The following FAM53A variants were observed in gnomAD, a reference collection of about 807,000 sequenced individuals.
The protein encoded by FAM53A is family with sequence similarity 53 member A, also known as protein FAM53A.
A neutral mutation model predicts 26.6 loss-of-function variants in FAM53A; 28 were observed. The ratio of observed to expected loss-of-function variants is 1.05; its 90% CI spans 0.78 to 1.45. The LOEUF (loss-of-function observed/expected upper bound fraction) is 1.45. Among genes scored for constraint, FAM53A ranks in the 40% most tolerant of loss-of-function variants. The pLI is 0.00. For synonymous variants in FAM53A, 290 were observed against 253.1 expected (o/e 1.15, Z -1.38); for missense variants, 650 against 575.8 (o/e 1.13, Z -1.32).
chr4:1,634,728 T>A (rs1379290120), intron 1 of FAM53A, among the ~76,000 whole-genome samples: 1 of 151,230 alleles, frequency 6.6e-6, no homozygotes, highest in African/African-American at 2.4e-5. Context: ...TGAAACCCCG[T>A]CTCTACTAAA....
the FAM53A span, among the ~76,000 whole-genome samples, chr4:1,593,040 G>A: frequency 1.3e-5 from 2 of 152,202 alleles, no homozygotes; most frequent in Non-Finnish European, 2.9e-5. Context: ...AGTGCCCAGG[G>A]CCGAGGGCCC....
At chr4:1,660,067 G>C (rs1713714149) in intron 2 of FAM53A, among the ~76,000 whole-genome samples, 1 of 152,094 alleles carries the variant, frequency 6.6e-6, no homozygotes, top group Non-Finnish European at 1.5e-5. Context: ...AGGATCGCTT[G>C]AGCTCAGGAG....
rs766673560 is a variant in FAM53A, at chr4:1,655,070, C to T, written c.790G>A (p.Val264Met). ...GLLRCRSQPC[V>M]LSGKRSRRKR... ...CGCCGGCTCCTCTTCCCACTGAGCA[C>T]GCAAGGCTGTGAGCGGCACCGGAGC... is the stretch of plus-strand genomic sequence containing the variant. The change falls in exon 4 of 5, where the codon GTG becomes ATG. Residue 264 changes from valine to methionine, a missense_variant. By Grantham distance (21) the Val-to-Met change is conservative. Transcript: ENST00000308132. 3 of 1,601,532 alleles carry T rather than the reference C, an allele frequency of 1.9e-6. No homozygotes were observed. Among genetic ancestry groups the T allele is most frequent in the Admixed American group, 1.7e-5 (1 of 58,890 alleles).
At chr4:1,589,890 A>G in the FAM53A span, among the ~76,000 whole-genome samples, 1 of 152,018 alleles carries the variant, frequency 6.6e-6, no homozygotes, top group African/African-American at 2.4e-5. Context: ...AATGTTTTCT[A>G]TTTCACTGAT....
chr4:1,592,115 G>A, the FAM53A span, among the ~76,000 whole-genome samples: 418 of 152,266 alleles, frequency 2.7e-3, 5 homozygotes, highest in East Asian at 0.026. Flanking sequence ...GGTTTGTCGG[G>A]CCGCTGTGCC....
chr4:1,662,181 A>T (rs935239095), intron 2 of FAM53A, among the ~76,000 whole-genome samples: 16 of 152,006 alleles, frequency 1.1e-4, no homozygotes, highest in Non-Finnish European at 1.8e-4. Context: ...ATAAATTTTT[A>T]AAAAATAGCT....
chr4:1,598,801 C>T, the FAM53A span, among the ~76,000 whole-genome samples: 1 of 152,226 alleles, frequency 6.6e-6, no homozygotes, highest in Non-Finnish European at 1.5e-5. Context: ...GGATGGAGCC[C>T]GGCGGGCGGA....
downstream of FAM53A, among the ~76,000 whole-genome samples, chr4:1,637,717 C>T (rs1715909587): frequency 6.6e-6 from 1 of 152,106 alleles, no homozygotes; most frequent in Non-Finnish European, 1.5e-5. Flanking sequence ...CTGAAGGATC[C>T]CAGCCTTGGG....
chr4:1,663,447 A>C (rs1435953200), intron 2 of FAM53A, among the ~76,000 whole-genome samples: 1 of 152,210 alleles, frequency 6.6e-6, no homozygotes, highest in African/African-American at 2.4e-5. Context: ...TAATAGCTAA[A>C]ATATGGCAAC....
intron 4 of FAM53A, among the ~76,000 whole-genome samples, chr4:1,646,103 CTCT>C (rs1712216388): frequency 1.3e-5 from 2 of 151,548 alleles, no homozygotes; most frequent in South Asian, 2.1e-4. Flanking sequence ...GCCTCCAGAA[CTCT>C]TTTTTTTTTT....
the FAM53A span, among the ~76,000 whole-genome samples, chr4:1,585,280 T>C: frequency 4.5e-4 from 18 of 39,922 alleles, no homozygotes; most frequent in Non-Finnish European, 1.0e-3. Flanking sequence ...CTCTCTCTTT[T>C]TTTTTTTTTT....
the FAM53A span, among the ~76,000 whole-genome samples, chr4:1,589,645 G>C: frequency 6.6e-6 from 1 of 152,100 alleles, no homozygotes; most frequent in Non-Finnish European, 1.5e-5. Context: ...TTACTGTGGT[G>C]TCAATTTGGC....
chr4:1,672,824 C>T (rs1197996069), intron 1 of FAM53A, among the ~76,000 whole-genome samples: 3 of 128,976 alleles, frequency 2.3e-5, no homozygotes, highest in African/African-American at 8.7e-5. Flanking sequence ...GGCTGGAGTG[C>T]AGTGGTGTGA....
chr4:1,606,736 C>G, the FAM53A span, among the ~76,000 whole-genome samples: 1 of 152,194 alleles, frequency 6.6e-6, no homozygotes, highest in African/African-American at 2.4e-5. Flanking sequence ...CGGATGGACC[C>G]CTGTGTAGCG....
rs545751174 is a variant in FAM53A, at chr4:1,641,322, G to T, written c.1168C>A (p.Leu390Met). 9 of 1,612,368 alleles carry T rather than the reference G, an allele frequency of 5.6e-6. No homozygotes were observed. In the East Asian group the frequency reaches 1.8e-4, roughly 32 times the overall value. ...TTGTTCTCGATCTGCTCCAGGTCCA[G>T]CTCCCAGCGGGCCCGGGGGAAGACG... ...EGVFPRARWE[L>M]DLEQIENN Residue 390 changes from leucine (L) to methionine (M), a missense_variant, in exon 5 of 5, where the codon CTG (leucine) becomes ATG (methionine). Leu to Met is a conservative substitution (Grantham distance 15, BLOSUM62 2). Coordinates refer to ENST00000308132, the MANE Select transcript of FAM53A (RefSeq NM_001174070.3).
At chr4:1,592,942 C>A in the FAM53A span, among the ~76,000 whole-genome samples, 2 of 152,102 alleles carry the variant, frequency 1.3e-5, no homozygotes, top group African/African-American at 2.4e-5. Flanking sequence ...GCCGCTCACA[C>A]CCTGCCCGGC....
At chr4:1,582,195 C>T in the FAM53A span, among the ~76,000 whole-genome samples, 1 of 152,226 alleles carries the variant, frequency 6.6e-6, no homozygotes, top group African/African-American at 2.4e-5. Context: ...CACGTTTCAG[C>T]GTTTACTACT....
rs933678106 is a variant in FAM53A at position 1,659,734 on chromosome 4, G to C, written c.76-2266C>G. On this transcript the variant is annotated intron_variant, in intron 2 of 4. Coordinates refer to ENST00000308132, the MANE Select transcript of FAM53A (RefSeq NM_001174070.3). The surrounding 1 kb of genome is among the most constrained non-coding windows in gnomAD (Gnocchi z 5.2). ...CTGGAGGCAGAAGTCCAAGATCAAG[G>C]GACAGGCAGATTCAGTGTCTGGTAA... is the stretch of plus-strand genomic sequence containing the variant. Among the ~76,000 whole-genome samples, 1 of 152,160 alleles carries C rather than the reference G, an allele frequency of 6.6e-6. No individual in the cohort carries two copies. The highest frequency in any genetic ancestry group is 1.5e-5 in the Non-Finnish European group (1 of 68,034).
chr4:1,682,483 G>A (rs1715515028), intron 1 of FAM53A, among the ~76,000 whole-genome samples: 1 of 151,858 alleles, frequency 6.6e-6, no homozygotes, highest in Non-Finnish European at 1.5e-5. Context: ...GGATGGTCTC[G>A]ATCTCCTGAC....
Sources: gnomAD v4.1 joint callset for allele counts (sites outside exome capture counted in the v4.1 genomes callset) on GRCh38, gnomAD v4.1.1 for gene constraint, Gnocchi (gnomAD v3.1) non-coding constraint, MANE v1.5 for transcripts, NCBI Gene and HGNC (gene_info 2026-07-23, HGNC 2026-07-21) for gene names.